SEZ6L: variants seen among roughly 807,000 people sequenced by gnomAD.
SEZ6L encodes seizure 6-like protein.
In SEZ6L, 37 loss-of-function variants were observed where a neutral mutation model predicts 106.2. The observed-to-expected ratio is 0.35, with a 90% CI of 0.27 to 0.46. The LOEUF is 0.46. Among genes scored for constraint, SEZ6L ranks in the 20% least tolerant of loss-of-function variants. SEZ6L has a pLI of 1.00. For synonymous variants in SEZ6L, 541 were observed against 570.4 expected (o/e 0.95, Z 0.73); for missense variants, 1,172 against 1,332.8 (o/e 0.88, Z 1.88).
At chr22:26,270,035 T>G (rs1569433266) in intron 1 of SEZ6L, among the ~76,000 whole-genome samples, 1 of 152,158 alleles carries the variant, frequency 6.6e-6, no homozygotes, top group South Asian at 2.1e-4. Flanking sequence ...TAAGGACACT[T>G]GCCCCAGCCT....
intron 1 of SEZ6L, among the ~76,000 whole-genome samples, chr22:26,183,789 A>G (rs1939571018): frequency 6.6e-6 from 1 of 152,240 alleles, no homozygotes; most frequent in South Asian, 2.1e-4. Flanking sequence ...AGATATAAAT[A>G]ATATGCACAC....
intron 1 of SEZ6L, among the ~76,000 whole-genome samples, chr22:26,183,140 A>T (rs1441678407): frequency 6.6e-6 from 1 of 152,236 alleles, no homozygotes; most frequent in Non-Finnish European, 1.5e-5. Flanking sequence ...AAGGTGCCTT[A>T]CAGCCATTTG....
chr22:26,312,416 G>A (rs968100175), intron 8 of SEZ6L, among the ~76,000 whole-genome samples: 5 of 152,098 alleles, frequency 3.3e-5, no homozygotes, highest in Non-Finnish European at 5.9e-5. Context: ...AGATTGTATC[G>A]GCCCCATTTG....
intron 9 of SEZ6L, among the ~76,000 whole-genome samples, chr22:26,319,391 CA>C (rs1370724583): frequency 7.2e-5 from 11 of 152,346 alleles, no homozygotes; most frequent in African/African-American, 2.6e-4. Context: ...CAAAGTTCTG[CA>C]ATAGCTCCCT....
intron 1 of SEZ6L, among the ~76,000 whole-genome samples, chr22:26,185,952 G>A (rs993682628): frequency 6.6e-6 from 1 of 152,106 alleles, no homozygotes; most frequent in African/African-American, 2.4e-5. Flanking sequence ...CCCAGAGGTA[G>A]CCCTGTTCTC....
chr22:26,344,668 T>C (rs746459659), intron 10 of SEZ6L, among the ~76,000 whole-genome samples: 3 of 152,204 alleles, frequency 2.0e-5, no homozygotes, highest in Non-Finnish European at 4.4e-5. Flanking sequence ...AACCATGACT[T>C]CAGATCCCTA....
chr22:26,273,940 A>G (rs1171175818), intron 1 of SEZ6L, among the ~76,000 whole-genome samples: 1 of 152,004 alleles, frequency 6.6e-6, no homozygotes, highest in Non-Finnish European at 1.5e-5. Flanking sequence ...GGACAGAGTC[A>G]CCTGAGAGAG....
intron 3 of SEZ6L, among the ~76,000 whole-genome samples, chr22:26,295,662 G>A (rs560206424): frequency 1.3e-5 from 2 of 152,316 alleles, no homozygotes; most frequent in East Asian, 1.9e-4. Flanking sequence ...ATTGGACCCA[G>A]TATGTGTCCA....
intron 3 of SEZ6L, 27 bp from the exon 4 acceptor site, chr22:26,296,861 T>C: frequency 6.5e-7 from 1 of 1,532,486 alleles, no homozygotes; most frequent in Non-Finnish European, 8.8e-7. Flanking sequence ...TCAGAGTTCC[T>C]CTCTGTCTGC....
chr22:26,366,955 C>G (rs2083835939), intron 13 of SEZ6L, among the ~76,000 whole-genome samples: 1 of 152,068 alleles, frequency 6.6e-6, no homozygotes, highest in Non-Finnish European at 1.5e-5. Flanking sequence ...GCTGTAGAAT[C>G]ATTTTTTACT....
chr22:26,313,432 AAAGAGCAGAGG>A (rs1569458633), intron 8 of SEZ6L, among the ~76,000 whole-genome samples: 1 of 152,138 alleles, frequency 6.6e-6, no homozygotes, highest in Non-Finnish European at 1.5e-5. Context: ...TCACCCCGCA[AAAGAGCAGAGG>A]CTGTTGAGGA....
Position 26,356,412 on chromosome 22 carries a change from C to T in SEZ6L, c.2599+5169C>T, listed in dbSNP as rs143623859. Among the ~76,000 whole-genome samples the T allele has an allele frequency of 4.7e-3, 721 of 151,984 alleles. 9 individuals carry two copies. Among genetic ancestry groups the T allele is most frequent in the African/African-American group, 0.016 (683 of 41,426 alleles). ...ATCCTAGCACTTTGGGAGGCTGAGG[C>T]GGGCAGATTACCTGAGGTCAGGGGT... is the stretch of plus-strand genomic sequence containing the variant. On this transcript the variant is annotated intron_variant, in intron 12 of 16. Transcript: ENST00000248933.
chr22:26,223,717 A>G (rs868616158), intron 1 of SEZ6L, among the ~76,000 whole-genome samples: 1 of 152,256 alleles, frequency 6.6e-6, no homozygotes, highest in Non-Finnish European at 1.5e-5. Flanking sequence ...AATAATGCAT[A>G]TAAAACACTT....
intron 12 of SEZ6L, among the ~76,000 whole-genome samples, chr22:26,360,128 TAA>T (rs1424005019): frequency 6.6e-6 from 1 of 152,360 alleles, no homozygotes; most frequent in Admixed American, 6.5e-5. Flanking sequence ...TGCCAAACTT[TAA>T]AATCTCCTGG....
intron 1 of SEZ6L, among the ~76,000 whole-genome samples, chr22:26,288,848 C>CCT (rs1201996726): frequency 6.6e-6 from 1 of 152,178 alleles, no homozygotes; most frequent in African/African-American, 2.4e-5. Flanking sequence ...CTCTCTCTCT[C>CCT]CTCTCTCTCA....
At chr22:26,211,932 A>G (rs1277847842) in intron 1 of SEZ6L, among the ~76,000 whole-genome samples, 1 of 152,096 alleles carries the variant, frequency 6.6e-6, no homozygotes, top group African/African-American at 2.4e-5. Flanking sequence ...CCCAAAATAA[A>G]TCAAATATAA....
chr22:26,202,607 A>T (rs1941034035), intron 1 of SEZ6L, among the ~76,000 whole-genome samples: 1 of 152,204 alleles, frequency 6.6e-6, no homozygotes. Flanking sequence ...TAACTCTGAT[A>T]TTCTTTTTTC....
rs187074111 is a variant in SEZ6L, at chr22:26,320,432, C to T, written c.2015+6530C>T. Among the ~76,000 whole-genome samples, 15 of 152,354 alleles carry T rather than the reference C, an allele frequency of 9.8e-5. No homozygotes were observed. The East Asian group carries it at 2.7e-3, about 27-fold the overall frequency. Reference sequence around the variant, plus strand: ...GTTAGGACAAGCAGCCAGTGTCATCCCGGGGCCTTAGGATTTGCAGTGACA... The same window carrying T: ...GTTAGGACAAGCAGCCAGTGTCATCTCGGGGCCTTAGGATTTGCAGTGACA... On this transcript the variant is annotated intron_variant, in intron 9 of 16. Transcript: ENST00000248933.
chr22:26,375,207 G>A (rs1161006012), intron 14 of SEZ6L, among the ~76,000 whole-genome samples: 2 of 152,116 alleles, frequency 1.3e-5, no homozygotes, highest in Admixed American at 1.3e-4. Context: ...TCCACTCCAT[G>A]GAATGTCCAG....
Sources: allele counts gnomAD v4.1 joint callset (sites outside exome capture counted in the v4.1 genomes callset), GRCh38; gene constraint gnomAD v4.1.1; transcripts MANE v1.5; gene names NCBI Gene and HGNC (gene_info 2026-07-23, HGNC 2026-07-21).